Variants in IL1RAPL1 observed in about 807,000 individuals in gnomAD.
IL1RAPL1 encodes interleukin 1 receptor accessory protein like 1, also known as interleukin-1 receptor accessory protein-like 1.
IL1RAPL1 carries 3 observed loss-of-function variants against 48.4 expected under a neutral mutation model. The ratio of observed to expected loss-of-function variants is 0.06; its 90% CI spans 0.03 to 0.16. The LOEUF (loss-of-function observed/expected upper bound fraction) is 0.16. IL1RAPL1 is among the 10% of genes least tolerant of loss of function. IL1RAPL1 has a pLI of 1.00. For missense variants in IL1RAPL1, 349 were observed against 530.6 expected (o/e 0.66, Z 3.36); for synonymous variants, 185 against 187.7 (o/e 0.99, Z 0.12).
chrX:29,048,599 T>C (rs1333423378), intron 2 of IL1RAPL1, among the ~76,000 whole-genome samples: 1 of 112,321 alleles, frequency 8.9e-6, no homozygotes, highest in African/African-American at 3.2e-5. Flanking sequence ...TTGCAATTTT[T>C]CTGCTCTATT....
At chrX:28,625,980 T>C (rs1326348514) in intron 1 of IL1RAPL1, among the ~76,000 whole-genome samples, 1 of 112,242 alleles carries the variant, frequency 8.9e-6, no homozygotes, top group African/African-American at 3.2e-5. Context: ...TAGTTTATGC[T>C]CTATTGTTGC....
At chrX:28,955,363 C>G (rs753518777) in intron 2 of IL1RAPL1, among the ~76,000 whole-genome samples, 2 of 110,923 alleles carry the variant, frequency 1.8e-5, no homozygotes, top group Non-Finnish European at 3.8e-5. Flanking sequence ...ACTTTTGGCT[C>G]TTTAAAAGCA....
intron 6 of IL1RAPL1, among the ~76,000 whole-genome samples, chrX:29,801,360 G>A (rs1929901306): frequency 9.0e-6 from 1 of 111,547 alleles, no homozygotes; most frequent in African/African-American, 3.3e-5. Context: ...GGCAGAACCA[G>A]CACAAGTTGC....
intron 2 of IL1RAPL1, among the ~76,000 whole-genome samples, chrX:28,865,648 G>A (rs983286766): frequency 2.7e-5 from 3 of 111,662 alleles, no homozygotes; most frequent in Admixed American, 9.6e-5. Flanking sequence ...TCAAGATAGT[G>A]AGTGTAGACA....
rs1433689834 is a variant in IL1RAPL1 at position 29,241,661 on chromosome X, T to C, written c.83-41277T>C. The stretch of plus-strand genomic sequence containing the variant: ...CGCTGAGAGCTAAAAAGGGCTTTTA[T>C]GCACATCTCCTTGCTACTTTACTGT... On this transcript the variant is annotated intron_variant, in intron 2 of 10. Coordinates refer to ENST00000378993, the MANE Select transcript of IL1RAPL1 (RefSeq NM_014271.4). Among the ~76,000 whole-genome samples, 12 of 112,070 alleles carry C rather than the reference T, an allele frequency of 1.1e-4. No individual in the cohort carries two copies. In the Admixed American group the frequency reaches 1.1e-3, roughly 11 times the overall value.
intron 9 of IL1RAPL1, among the ~76,000 whole-genome samples, chrX:29,943,115 T>G (rs1933158564): frequency 1.8e-5 from 2 of 111,693 alleles, no homozygotes; most frequent in Non-Finnish European, 3.8e-5. Flanking sequence ...CCTCTTGGTT[T>G]ACCCTTCTCT....
intron 2 of IL1RAPL1, among the ~76,000 whole-genome samples, chrX:28,885,572 CAT>C (rs1034684703): frequency 2.7e-5 from 3 of 111,721 alleles, no homozygotes; most frequent in African/African-American, 9.7e-5. Flanking sequence ...TTAATTTTAA[CAT>C]ATGTTTAATA....
intron 1 of IL1RAPL1, among the ~76,000 whole-genome samples, chrX:28,636,400 G>T (rs1934465575): frequency 8.9e-6 from 1 of 111,862 alleles, no homozygotes. Flanking sequence ...ATGTTATTTG[G>T]ATTTAAAGAT....
At chrX:29,814,376 G>A (rs1569177481) in intron 6 of IL1RAPL1, among the ~76,000 whole-genome samples, 1 of 111,642 alleles carries the variant, frequency 9.0e-6, no homozygotes, top group Non-Finnish European at 1.9e-5. Flanking sequence ...CTGCACATAC[G>A]TCTTCTTTTG....
At chrX:28,881,070 A>G (rs905044837) in intron 2 of IL1RAPL1, among the ~76,000 whole-genome samples, 4 of 111,317 alleles carry the variant, frequency 3.6e-5, no homozygotes, top group African/African-American at 9.8e-5. Flanking sequence ...AAGATGCCCA[A>G]TGATTTGCTT....
chrX:29,711,069 T>TATACACACACACACACACAC (rs1555913970), intron 6 of IL1RAPL1, among the ~76,000 whole-genome samples: 102 of 86,429 alleles, frequency 1.2e-3, no homozygotes, highest in South Asian at 2.1e-3. Flanking sequence ...TGTGTGTGTA[T>TATACACACACACACACACAC]ACACACACAC....
chrX:28,676,164 T>G lies in IL1RAPL1; in HGVS notation c.-25+88117T>G, dbSNP rs184975649. Among the ~76,000 whole-genome samples the G allele has an allele frequency of 3.2e-3, 361 of 111,842 alleles. 1 individual carries two copies. The highest frequency in any genetic ancestry group is 0.011 in the African/African-American group (348 of 30,797). On this transcript the variant is annotated intron_variant, in intron 1 of 10. Transcript: ENST00000378993. ...TTTTTTTTACCACAACACTTAATTT[T>G]TAATCTACGATATGATCATTTTATT...
At chrX:29,630,542 T>A (rs750547056) in intron 5 of IL1RAPL1, among the ~76,000 whole-genome samples, 530 of 48,470 alleles carry the variant, frequency 0.011, 8 homozygotes, top group Admixed American at 0.097. Context: ...TTCTCCAGAC[T>A]TTTTTTTTTT....
chrX:29,122,264 CATGTA>C (rs1307749562), intron 2 of IL1RAPL1, among the ~76,000 whole-genome samples: 3 of 111,269 alleles, frequency 2.7e-5, no homozygotes, highest in Non-Finnish European at 5.7e-5. Context: ...ATGTGCATCA[CATGTA>C]ATGTAAACCT....
At chrX:28,626,280 G>A (rs1934339896) in intron 1 of IL1RAPL1, among the ~76,000 whole-genome samples, 1 of 112,083 alleles carries the variant, frequency 8.9e-6, no homozygotes. Context: ...TATTATATGT[G>A]TATTATTATG....
At chrX:29,487,044 G>A (rs1935104699) in intron 5 of IL1RAPL1, among the ~76,000 whole-genome samples, 1 of 76,334 alleles carries the variant, frequency 1.3e-5, no homozygotes, top group African/African-American at 5.0e-5. Context: ...ACACTTTTGA[G>A]TAGCGAGGGG....
rs187641833 is a variant in IL1RAPL1 at position 29,587,749 on chromosome X, C to T, written c.704-80681C>T. 4.5e-5 allele frequency among the ~76,000 whole-genome samples: 5 copies of T among 112,062 alleles called. No homozygotes were observed. The Admixed American group carries it at 4.7e-4, about 11-fold the overall frequency. ...TATCTGGGGAAACTGTTAGCAAAGGCGAAATAATATGCCAGATGTTCCAAA... is the reference window on the plus strand; with the variant it reads ...TATCTGGGGAAACTGTTAGCAAAGGTGAAATAATATGCCAGATGTTCCAAA... On this transcript the variant is annotated intron_variant, in intron 5 of 10. Coordinates refer to ENST00000378993, the MANE Select transcript of IL1RAPL1 (RefSeq NM_014271.4).
intron 6 of IL1RAPL1, among the ~76,000 whole-genome samples, chrX:29,807,783 C>A (rs1476798819): frequency 9.0e-6 from 1 of 110,797 alleles, no homozygotes; most frequent in Admixed American, 9.6e-5. Context: ...AGGTGTGATG[C>A]AATTTGATTT....
chrX:28,711,254 A>G (rs1935436469), intron 1 of IL1RAPL1, among the ~76,000 whole-genome samples: 1 of 111,674 alleles, frequency 9.0e-6, no homozygotes, highest in African/African-American at 3.3e-5. Context: ...TGAATGGGGA[A>G]AAAGGTTGAA....
Sources: gnomAD v4.1 joint callset for allele counts (sites outside exome capture counted in the v4.1 genomes callset) on GRCh38, gnomAD v4.1.1 for gene constraint, MANE v1.5 for transcripts, NCBI Gene and HGNC (gene_info 2026-07-23, HGNC 2026-07-21) for gene names.